LTBP1: variants seen among roughly 807,000 people sequenced by gnomAD.
The protein encoded by LTBP1 is latent-transforming growth factor beta-binding protein 1.
In LTBP1, 129 loss-of-function variants were observed where a neutral mutation model predicts 207.6. The ratio of observed to expected loss-of-function variants is 0.62; its 90% CI spans 0.54 to 0.72. The LOEUF (loss-of-function observed/expected upper bound fraction) is 0.72. Among genes scored for constraint, LTBP1 ranks in the 30% least tolerant of loss-of-function variants. The probability of loss-of-function intolerance (pLI) is 0.00; values close to 1 mark genes in which losing one functional copy is unlikely to be tolerated. For missense variants in LTBP1, 2,281 were observed against 2,217.2 expected (o/e 1.03, Z -0.58); for synonymous variants, 963 against 833.7 (o/e 1.16, Z -2.67).
intron 2 of LTBP1, among the ~76,000 whole-genome samples, chr2:33,014,353 C>T (rs1688060546): frequency 6.6e-6 from 1 of 152,012 alleles, no homozygotes; most frequent in East Asian, 1.9e-4. Context: ...GTACAAGGAG[C>T]AAGCAGACAG....
intron 3 of LTBP1, among the ~76,000 whole-genome samples, chr2:33,050,800 C>G (rs1279262293): frequency 6.6e-6 from 1 of 150,622 alleles, no homozygotes; most frequent in East Asian, 2.0e-4. Context: ...ATGGCATGAT[C>G]TCGGCTGACT....
At chr2:33,394,437 T>G (rs982408604) in intron 32 of LTBP1, among the ~76,000 whole-genome samples, 12 of 152,216 alleles carry the variant, frequency 7.9e-5, no homozygotes, top group Non-Finnish European at 1.5e-4. Context: ...AGGTCTAACA[T>G]GTAAGTCTTT....
At position 33,021,163 on chromosome 2, in the gene LTBP1, A is replaced by C. The variant is rs2075147635; in HGVS notation, c.820A>C (p.Lys274Gln). The C allele has an allele frequency of 6.2e-7, 1 of 1,609,870 alleles. No homozygotes were observed. The highest frequency in any genetic ancestry group is 1.7e-5 in the Admixed American group (1 of 59,722). The change falls in exon 3 of 34, where the codon AAG becomes CAG. Residue 274 changes from lysine (K) to glutamine (Q), a missense_variant. Physicochemically the swap from Lys to Gln is moderately conservative, Grantham distance 53. Around this residue, in one of 3 missense-constraint regions of LTBP1, gnomAD observed 555 missense variants for 491.0 expected, o/e 1.13. Transcript: ENST00000404816. Reference sequence around the variant, plus strand: ...TGTGGCCCAGATGACCTTAACCCTCAAGCCGAAGCCTTCAGTGGGACTCCC... The same window carrying C: ...TGTGGCCCAGATGACCTTAACCCTCCAGCCGAAGCCTTCAGTGGGACTCCC... Reference protein sequence around the residue: ...SPVAQMTLTLKPKPSVGLPQQ... With the variant: ...SPVAQMTLTLQPKPSVGLPQQ...
chr2:33,093,619 A>G (rs219124), intron 3 of LTBP1, among the ~76,000 whole-genome samples: 93,360 of 152,018 alleles, frequency 0.61, 29,816 homozygotes, highest in East Asian at 0.98. Flanking sequence ...TAACATATGT[A>G]TATATGTACG....
intron 7 of LTBP1, among the ~76,000 whole-genome samples, chr2:33,193,084 C>T (rs1043269184): frequency 6.6e-6 from 1 of 152,098 alleles, no homozygotes; most frequent in African/African-American, 2.4e-5. Context: ...TTTGGAATTA[C>T]TAGTTTTCTT....
At chr2:33,231,657 A>G (rs1023707544) in intron 9 of LTBP1, among the ~76,000 whole-genome samples, 6 of 152,196 alleles carry the variant, frequency 3.9e-5, no homozygotes, top group African/African-American at 1.4e-4. Flanking sequence ...AGCACTAGAA[A>G]GTGCAGGTGA....
At chr2:33,143,054 C>A (rs1475793367) in intron 5 of LTBP1, among the ~76,000 whole-genome samples, 1 of 152,208 alleles carries the variant, frequency 6.6e-6, no homozygotes, top group African/African-American at 2.4e-5. Flanking sequence ...TCCTCTACTT[C>A]TGCCAAACTG....
At chr2:33,275,646 T>C (rs1245022047) in intron 17 of LTBP1, among the ~76,000 whole-genome samples, 155 bp from the exon 18 acceptor site, 1 of 151,616 alleles carries the variant, frequency 6.6e-6, no homozygotes, top group Non-Finnish European at 1.5e-5. Context: ...ATCACACCAT[T>C]GCACTCCAGC....
intron 33 of LTBP1, among the ~76,000 whole-genome samples, 162 bp downstream of exon 33, chr2:33,397,444 C>T (rs192781940): frequency 9.9e-5 from 15 of 151,440 alleles, no homozygotes; most frequent in Non-Finnish European, 7.4e-5. Flanking sequence ...CTTAATGCCA[C>T]TGGACTATAT....
intron 5 of LTBP1, among the ~76,000 whole-genome samples, chr2:33,155,184 A>G (rs971338601): frequency 6.6e-6 from 1 of 152,074 alleles, no homozygotes; most frequent in African/African-American, 2.4e-5. Flanking sequence ...TTGAGACAGA[A>G]TCTCACTCAA....
At chr2:33,103,498 G>A (rs1482759491) in intron 3 of LTBP1, among the ~76,000 whole-genome samples, 2 of 151,990 alleles carry the variant, frequency 1.3e-5, no homozygotes, top group Non-Finnish European at 2.9e-5. Flanking sequence ...CTCTTCATCA[G>A]CAGCCTGTTA....
chr2:33,256,887 A>G (rs1405070101), intron 11 of LTBP1, among the ~76,000 whole-genome samples: 3 of 149,448 alleles, frequency 2.0e-5, no homozygotes, highest in African/African-American at 7.4e-5. Context: ...ATGCAATTTT[A>G]TGTAAGGGTC....
In LTBP1 at chr2:33,050,523, G is replaced by A. The variant is rs193160651; in HGVS notation, c.863+29317G>A. Among the ~76,000 whole-genome samples the A allele has an allele frequency of 1.0e-3, 152 of 152,136 alleles. No homozygotes were observed. The Middle Eastern group carries it at 0.01, about 10-fold the overall frequency. Reference sequence around the variant, plus strand: ...GCTCAAATTAATGAACTATTATGGAGTATTTAAAAACATAGAGAACTCTGC... The same window carrying A: ...GCTCAAATTAATGAACTATTATGGAATATTTAAAAACATAGAGAACTCTGC... On this transcript the variant is annotated intron_variant, in intron 3 of 33. Transcript: ENST00000404816.
At chr2:33,016,805 C>G (rs1688446150) in intron 2 of LTBP1, among the ~76,000 whole-genome samples, 2 of 152,196 alleles carry the variant, frequency 1.3e-5, no homozygotes, top group Non-Finnish European at 2.9e-5. Context: ...GGTGGATCAC[C>G]TGAGGTCAGG....
intron 31 of LTBP1, among the ~76,000 whole-genome samples, chr2:33,370,421 C>A (rs2095053294): frequency 6.6e-6 from 1 of 152,146 alleles, no homozygotes; most frequent in South Asian, 2.1e-4. Flanking sequence ...ATTCTGGTTT[C>A]TCACTTGCAA....
chr2:33,005,504 C>T (rs756591090), intron 2 of LTBP1, among the ~76,000 whole-genome samples: 3 of 151,846 alleles, frequency 2.0e-5, no homozygotes, highest in Non-Finnish European at 2.9e-5. Context: ...TGCCTGGGCT[C>T]TCAGGTCTTA....
At chr2:33,178,246 G>A (rs1269089223) in intron 5 of LTBP1, among the ~76,000 whole-genome samples, 1 of 152,182 alleles carries the variant, frequency 6.6e-6, no homozygotes, top group African/African-American at 2.4e-5. Context: ...CATTAGGAGA[G>A]AGCGACAATG....
chr2:33,075,421 C>A (rs772328193), intron 3 of LTBP1, among the ~76,000 whole-genome samples: 34 of 152,144 alleles, frequency 2.2e-4, no homozygotes, highest in Non-Finnish European at 3.7e-4. Flanking sequence ...AATATTTAAA[C>A]TTCAAATTTT....
chr2:33,352,892 C>A (rs751456045), intron 26 of LTBP1, among the ~76,000 whole-genome samples: 2 of 151,542 alleles, frequency 1.3e-5, no homozygotes, highest in African/African-American at 4.8e-5. Context: ...TTACCCCAAA[C>A]AATTACGCTT....
Sources: allele counts gnomAD v4.1 joint callset (sites outside exome capture counted in the v4.1 genomes callset), GRCh38; gene constraint gnomAD v4.1.1; regional missense constraint gnomAD v4.1.1; transcripts MANE v1.5; gene names NCBI Gene and HGNC (gene_info 2026-07-23, HGNC 2026-07-21).